SMOC2: variants seen among roughly 807,000 people sequenced by gnomAD.
The protein encoded by SMOC2 is SPARC related modular calcium binding 2, also known as SPARC-related modular calcium-binding protein 2.
A neutral mutation model predicts 61.4 loss-of-function variants in SMOC2; 39 were observed. The ratio of observed to expected loss-of-function variants is 0.64; its 90% CI spans 0.49 to 0.83. The LOEUF is 0.83. Among genes scored for constraint, SMOC2 ranks in the 40% least tolerant of loss-of-function variants. SMOC2 has a pLI of 0.00. For missense variants in SMOC2, 556 were observed against 592.9 expected (o/e 0.94, Z 0.65); for synonymous variants, 247 against 239.9 (o/e 1.03, Z -0.27).
rs34928937 is a variant in SMOC2, at chr6:168,623,329, A to T, written c.907+15090A>T. The stretch of plus-strand genomic sequence containing the variant: ...GTTTTGGCTGAGACATGGATAATTA[A>T]TTTTTTTTTTTTTTTTTTTGAGACA... On this transcript the variant is annotated intron_variant, in intron 9 of 12. Transcript: ENST00000356284. Among the ~76,000 whole-genome samples the T allele has an allele frequency of 1.0e-3, 135 of 129,068 alleles. 2 individuals carry two copies. The highest frequency in any genetic ancestry group is 4.1e-3 in the Middle Eastern group (1 of 242). The allele number at this position is 129,068 out of a possible 152,430, so 84.7% of individuals were successfully genotyped here. A position where few individuals can be genotyped will look rare whatever the true frequency, so the allele number is the denominator to read the frequency against.
At chr6:168,633,419 C>T (rs1786622305) in intron 9 of SMOC2, among the ~76,000 whole-genome samples, 1 of 152,160 alleles carries the variant, frequency 6.6e-6, no homozygotes, top group African/African-American at 2.4e-5. Flanking sequence ...GCTCCCTGCA[C>T]ATGGCTCGCT....
intron 1 of SMOC2, among the ~76,000 whole-genome samples, chr6:168,500,452 C>T (rs1484756730): frequency 6.6e-6 from 1 of 152,084 alleles, no homozygotes; most frequent in East Asian, 1.9e-4. Context: ...GGTGGAAGGA[C>T]AGCATTCACG....
At chr6:168,589,647 C>G (rs913186688) in intron 7 of SMOC2, among the ~76,000 whole-genome samples, 1 of 150,272 alleles carries the variant, frequency 6.7e-6, no homozygotes, top group Non-Finnish European at 1.5e-5. Context: ...GGCAGCCGGT[C>G]TGGTGGTGGT....
At chr6:168,481,291 G>A (rs1212615515) in intron 1 of SMOC2, among the ~76,000 whole-genome samples, 3 of 152,100 alleles carry the variant, frequency 2.0e-5, no homozygotes, top group Non-Finnish European at 4.4e-5. Flanking sequence ...CAGAATGTAT[G>A]AAGATGTGAT....
intron 2 of SMOC2, among the ~76,000 whole-genome samples, chr6:168,524,336 T>G (rs1783406087): frequency 6.6e-6 from 1 of 152,262 alleles, no homozygotes; most frequent in Non-Finnish European, 1.5e-5. Context: ...AATTTCATGC[T>G]AAGTCTTAAT....
intron 7 of SMOC2, among the ~76,000 whole-genome samples, chr6:168,592,368 C>CAAG (rs1785206796): frequency 8.0e-6 from 1 of 124,658 alleles, no homozygotes. Flanking sequence ...TGAGGCCTCA[C>CAAG]GGGCATCTTT....
intron 11 of SMOC2, chr6:168,655,462 G>T (rs1787297498): frequency 2.2e-6 from 1 of 455,256 alleles, no homozygotes; most frequent in Non-Finnish European, 4.4e-6. Context: ...GAGAAGCCGG[G>T]TCTGACTTTT....
At chr6:168,564,284 A>T (rs1784493224) in intron 7 of SMOC2, among the ~76,000 whole-genome samples, 1 of 152,028 alleles carries the variant, frequency 6.6e-6, no homozygotes. Context: ...GGGTTCTTCA[A>T]AGAAGAGTGC....
intron 7 of SMOC2, among the ~76,000 whole-genome samples, chr6:168,597,656 C>A (rs1026828872): frequency 1.3e-5 from 2 of 152,200 alleles, no homozygotes; most frequent in Non-Finnish European, 2.9e-5. Flanking sequence ...AGCTTCAAAG[C>A]AGGCTTAAAG....
intron 9 of SMOC2, among the ~76,000 whole-genome samples, chr6:168,611,854 T>A (rs1433542007): frequency 1.3e-5 from 2 of 152,122 alleles, no homozygotes; most frequent in African/African-American, 4.8e-5. Flanking sequence ...TCAGGACGGC[T>A]TCCTCAGGAT....
At chr6:168,488,058 C>T (rs1007959247) in intron 1 of SMOC2, among the ~76,000 whole-genome samples, 2 of 152,172 alleles carry the variant, frequency 1.3e-5, no homozygotes, top group Non-Finnish European at 2.9e-5. Context: ...CATCTGCAGT[C>T]GTTCTAGGGG....
Position 168,523,079 on chromosome 6 carries a change from A to ATTC in SMOC2, c.257-3265_257-3264insCTT, listed in dbSNP as rs551183247. ...TTATGTTATTTGTAGTTGTACAGTAATTTTTTTTTTTTTTTTTTTTGAGAC... is the reference window on the plus strand; with the variant it reads ...TTATGTTATTTGTAGTTGTACAGTAATTCTTTTTTTTTTTTTTTTTTTTGAGAC... On this transcript the variant is annotated intron_variant, in intron 2 of 12. Transcript: ENST00000356284. 7.5e-4 allele frequency among the ~76,000 whole-genome samples: 70 copies of ATTC among 93,690 alleles called. 12 individuals are homozygous for ATTC. Among genetic ancestry groups the ATTC allele is most frequent in the African/African-American group, 1.5e-3 (46 of 30,138 alleles). The allele number at this position is 93,690 out of a possible 152,430, so 61.5% of individuals were successfully genotyped here. A position where few individuals can be genotyped will look rare whatever the true frequency, so the allele number is the denominator to read the frequency against.
intron 7 of SMOC2, among the ~76,000 whole-genome samples, chr6:168,583,216 G>A (rs548296136): frequency 1.2e-4 from 18 of 152,336 alleles, no homozygotes; most frequent in Admixed American, 5.2e-4. Flanking sequence ...AGGTGGAGTC[G>A]CTGCCAGTGT....
intron 7 of SMOC2, among the ~76,000 whole-genome samples, chr6:168,558,318 C>G (rs1784296545): frequency 1.3e-5 from 2 of 152,188 alleles, no homozygotes; most frequent in Non-Finnish European, 2.9e-5. Context: ...CATTAGGACA[C>G]TACCTGCCCT....
At chr6:168,571,513 T>C (rs1173725665) in intron 7 of SMOC2, among the ~76,000 whole-genome samples, 1 of 152,106 alleles carries the variant, frequency 6.6e-6, no homozygotes, top group Non-Finnish European at 1.5e-5. Context: ...TGGTCGCGTT[T>C]GTGAGGCGCT....
chr6:168,502,859 T>A (rs557339230), intron 1 of SMOC2, among the ~76,000 whole-genome samples: 2 of 152,000 alleles, frequency 1.3e-5, no homozygotes, highest in South Asian at 2.1e-4. Context: ...CTCCACCTCC[T>A]GGGTTTAAGC....
chr6:168,609,948 G>C (rs1785813319), intron 9 of SMOC2, among the ~76,000 whole-genome samples: 1 of 152,192 alleles, frequency 6.6e-6, no homozygotes. Context: ...CCGTGACAGA[G>C]GCTGGCTTCT....
chr6:168,484,430 A>G (rs1395477159), intron 1 of SMOC2, among the ~76,000 whole-genome samples: 1 of 152,214 alleles, frequency 6.6e-6, no homozygotes, highest in Non-Finnish European at 1.5e-5. Context: ...CTGTTTTAAA[A>G]ACAGAAAATA....
At chr6:168,540,740 G>T (rs1414082012) in intron 4 of SMOC2, among the ~76,000 whole-genome samples, 1 of 152,172 alleles carries the variant, frequency 6.6e-6, no homozygotes, top group Non-Finnish European at 1.5e-5. Context: ...ACCAGAGAAC[G>T]CAGCCCTTGC....
Sources: gnomAD v4.1 joint callset for allele counts (sites outside exome capture counted in the v4.1 genomes callset) on GRCh38, gnomAD v4.1.1 for gene constraint, MANE v1.5 for transcripts, NCBI Gene and HGNC (gene_info 2026-07-23, HGNC 2026-07-21) for gene names.